The following ADAM12 variants were observed in gnomAD, a reference collection of about 807,000 sequenced individuals.
ADAM12 encodes ADAM metallopeptidase domain 12.
ADAM12 carries 70 observed loss-of-function variants against 106.4 expected under a neutral mutation model. The ratio of observed to expected loss-of-function variants is 0.66; its 90% confidence interval spans 0.54 to 0.80. ADAM12 has a LOEUF of 0.80. Ranked by LOEUF, ADAM12 falls within the 30% of genes least tolerant of loss-of-function variation. The pLI, the probability that ADAM12 is intolerant of heterozygous loss-of-function variation, is 0.00. For missense variants in ADAM12, 1,010 were observed against 1,171.9 expected (o/e 0.86, Z 2.02); for synonymous variants, 420 against 433.5 (o/e 0.97, Z 0.39).
chr10:126,206,021 T>C (rs1957788273), intron 3 of ADAM12, among the ~76,000 whole-genome samples: 1 of 152,230 alleles, frequency 6.6e-6, no homozygotes, highest in African/African-American at 2.4e-5. Context: ...TCTGGCCTGC[T>C]TAGCTAGACT....
rs967046612 is a variant in ADAM12, at chr10:126,141,877, T to C, written c.340-6217A>G. ...TTGCCCTATGCAATGAGCCAAACTA[T>C]CTTGATTAAGTGCTTGAATCACACA... is the stretch of plus-strand genomic sequence containing the variant. On this transcript the variant is annotated intron_variant, in intron 4 of 22. Coordinates refer to ENST00000448723, the MANE Select transcript of ADAM12 (RefSeq NM_001288973.2). 2.6e-5 allele frequency among the ~76,000 whole-genome samples: 4 copies of C among 152,182 alleles called. No individual in the cohort carries two copies. The South Asian group carries it at 8.3e-4, about 32-fold the overall frequency.
chr10:126,028,071 A>G (rs927273748), intron 21 of ADAM12, among the ~76,000 whole-genome samples: 2 of 152,080 alleles, frequency 1.3e-5, no homozygotes, highest in Non-Finnish European at 2.9e-5. Flanking sequence ...CAAATCATGA[A>G]CTCCCATTCA....
chr10:126,041,150 C>T (rs1300091378), intron 18 of ADAM12, among the ~76,000 whole-genome samples: 9 of 152,104 alleles, frequency 5.9e-5, no homozygotes, highest in South Asian at 4.1e-4. Context: ...TCCCTGCAGT[C>T]GTACCCCTCA....
chr10:126,281,396 A>G (rs913478517), intron 2 of ADAM12, among the ~76,000 whole-genome samples: 25 of 152,216 alleles, frequency 1.6e-4, no homozygotes, highest in African/African-American at 6.0e-4. Context: ...ATAAAAATAT[A>G]TTATTTGCAA....
chr10:126,152,733 G>A (rs1427856422), intron 4 of ADAM12, among the ~76,000 whole-genome samples: 1 of 152,094 alleles, frequency 6.6e-6, no homozygotes, highest in Non-Finnish European at 1.5e-5. Context: ...TTTTTACAAA[G>A]AGATTCCATC....
chr10:126,349,283 G>T (rs963048519), intron 1 of ADAM12, among the ~76,000 whole-genome samples: 24 of 152,132 alleles, frequency 1.6e-4, no homozygotes, highest in African/African-American at 5.6e-4. Context: ...TTTCATTCAG[G>T]GGCCCACATG....
At chr10:126,228,034 C>T (rs1958234301) in intron 3 of ADAM12, among the ~76,000 whole-genome samples, 1 of 152,058 alleles carries the variant, frequency 6.6e-6, no homozygotes, top group South Asian at 2.1e-4. Flanking sequence ...GACGAGCTTC[C>T]AGAAGCCAGG....
Position 126,013,861 on chromosome 10 carries a change from A to G in ADAM12, c.*3418T>C, listed in dbSNP as rs1203807568. On this transcript the variant is annotated 3_prime_UTR_variant, in exon 23 of 23. Transcript: ENST00000448723. This position sits in a 1 kb window ranked among gnomAD's most constrained non-coding sequence, Gnocchi z 4.3. The stretch of plus-strand genomic sequence containing the variant: ...CTGCAATGTCCCCCAGCAGCCTGTC[A>G]TTGTGTGTGAAACTCCTAGCCTGAG... 6.6e-6 allele frequency: 1 copy of G among 152,440 alleles called. No individual in the cohort carries two copies. Among genetic ancestry groups the G allele is most frequent in the East Asian group, 1.9e-4 (1 of 5,198 alleles). 9.4% of individuals were successfully genotyped at this position (152,440 alleles called of 1,614,324 possible). A position where few individuals can be genotyped will look rare whatever the true frequency, so the allele number is the denominator to read the frequency against.
chr10:126,115,260 G>T (rs1206322655), intron 6 of ADAM12, among the ~76,000 whole-genome samples: 1 of 152,208 alleles, frequency 6.6e-6, no homozygotes, highest in Non-Finnish European at 1.5e-5. Context: ...TTGCCTTTGG[G>T]ATGTCTTATG....
intron 2 of ADAM12, among the ~76,000 whole-genome samples, chr10:126,328,062 C>T (rs1854370192): frequency 6.6e-6 from 1 of 152,228 alleles, no homozygotes; most frequent in South Asian, 2.1e-4. Context: ...AAAGGGCTTT[C>T]CTGGCCAAAC....
At chr10:126,185,653 T>C (rs897246303) in intron 3 of ADAM12, among the ~76,000 whole-genome samples, 13 of 151,960 alleles carry the variant, frequency 8.6e-5, no homozygotes, top group Admixed American at 7.2e-4. Flanking sequence ...ACATCTAGGA[T>C]GGCAAGAGAG....
chr10:126,126,582 AG>A (rs1956210369), intron 5 of ADAM12, among the ~76,000 whole-genome samples: 1 of 151,916 alleles, frequency 6.6e-6, no homozygotes, highest in Non-Finnish European at 1.5e-5. Flanking sequence ...TGGAGAGCCA[AG>A]GTGGGCTGGA....
intron 3 of ADAM12, among the ~76,000 whole-genome samples, chr10:126,256,474 C>T (rs1175418538): frequency 6.6e-6 from 1 of 152,204 alleles, no homozygotes; most frequent in Non-Finnish European, 1.5e-5. Flanking sequence ...TCCCTTCATT[C>T]CCTCTGCATT....
At chr10:126,108,523 T>G (rs375263828) in intron 8 of ADAM12, 70 bp downstream of exon 8, 5 of 1,399,974 alleles carry the variant, frequency 3.6e-6, no homozygotes, top group East Asian at 2.3e-5. Context: ...CTAAGTCAGA[T>G]GAGGTCCCCC....
intron 3 of ADAM12, among the ~76,000 whole-genome samples, chr10:126,219,059 G>A (rs1424638704): frequency 6.6e-6 from 1 of 152,208 alleles, no homozygotes; most frequent in Non-Finnish European, 1.5e-5. Flanking sequence ...GTAACTAACA[G>A]GGCCAGAATG....
chr10:126,117,893 T>C, intron 6 of ADAM12, 145 bp downstream of exon 6: 1 of 157,558 alleles, frequency 6.3e-6, no homozygotes, highest in South Asian at 7.2e-5. Context: ...GTATAATGTC[T>C]ACCACCTCCA....
chr10:126,188,408 G>A (rs539817166), intron 3 of ADAM12, among the ~76,000 whole-genome samples: 3 of 152,234 alleles, frequency 2.0e-5, no homozygotes, highest in Admixed American at 6.5e-5. Flanking sequence ...AACGTGCATC[G>A]AAATTCCTTC....
At chr10:126,109,598 T>A (rs1955832657) in intron 7 of ADAM12, among the ~76,000 whole-genome samples, 177 bp downstream of exon 7, 1 of 152,222 alleles carries the variant, frequency 6.6e-6, no homozygotes, top group African/African-American at 2.4e-5. Context: ...ATCAAATAAA[T>A]TTTTAATATT....
At chr10:126,333,495 C>A (rs961525980) in intron 1 of ADAM12, among the ~76,000 whole-genome samples, 5 of 152,152 alleles carry the variant, frequency 3.3e-5, no homozygotes, top group Non-Finnish European at 7.4e-5. Context: ...TGCGTGAAAT[C>A]CGGGTCTTCT....
Sources: gnomAD v4.1 joint callset for allele counts (sites outside exome capture counted in the v4.1 genomes callset) on GRCh38, gnomAD v4.1.1 for gene constraint, Gnocchi (gnomAD v3.1) non-coding constraint, MANE v1.5 for transcripts, NCBI Gene and HGNC (gene_info 2026-07-23, HGNC 2026-07-21) for gene names.